The following CCNYL1 variants were observed in gnomAD, a reference collection of about 807,000 sequenced individuals.
The protein encoded by CCNYL1 is cyclin Y like 1.
CCNYL1 carries 16 observed loss-of-function variants against 44.2 expected under a neutral mutation model. That is an observed-to-expected ratio of 0.36 (90% CI 0.25 to 0.55). The LOEUF (loss-of-function observed/expected upper bound fraction) is 0.55, where lower values mean the gene tolerates loss of function less well. Among genes scored for constraint, CCNYL1 ranks in the 20% least tolerant of loss-of-function variants. CCNYL1 has a pLI of 0.85. For synonymous variants in CCNYL1, 159 were observed against 163.2 expected (o/e 0.97, Z 0.20); for missense variants, 348 against 451.8 (o/e 0.77, Z 2.08).
intron 8 of CCNYL1, among the ~76,000 whole-genome samples, chr2:207,747,661 G>A (rs1422105028): frequency 6.6e-6 from 1 of 152,182 alleles, no homozygotes; most frequent in East Asian, 1.9e-4. Flanking sequence ...CGATTCTCCT[G>A]CCTCAGCTTC....
intron 1 of CCNYL1, 28 bp downstream of exon 1, chr2:207,712,144 C>T (rs2091553766): frequency 1.9e-6 from 3 of 1,574,700 alleles, no homozygotes; most frequent in East Asian, 4.8e-5. Context: ...GCCATCCGCC[C>T]TCGGGCTCAC....
At chr2:207,744,228 T>TCGTGTGTG in intron 7 of CCNYL1, among the ~76,000 whole-genome samples, 1 of 150,334 alleles carries the variant, frequency 6.7e-6, no homozygotes, top group South Asian at 2.1e-4. Flanking sequence ...CAGGAACATT[T>TCGTGTGTG]TGTGTGTGTG....
chr2:207,713,728 C>G (rs571851047), intron 1 of CCNYL1, among the ~76,000 whole-genome samples: 6 of 152,182 alleles, frequency 3.9e-5, no homozygotes, highest in Non-Finnish European at 8.8e-5. Flanking sequence ...AATAATTAAG[C>G]TTCATGATGG....
In CCNYL1 at chr2:207,754,760, C is replaced by T. The variant is rs1452751693; in HGVS notation, c.*1062C>T. 6.5e-6 allele frequency: 1 copy of T among 154,324 alleles called. No individual in the cohort carries two copies. The highest frequency in any genetic ancestry group is 1.9e-4 in the East Asian group (1 of 5,168). 9.6% of individuals were successfully genotyped at this position (154,324 alleles called of 1,614,324 possible). On this transcript the variant is annotated 3_prime_UTR_variant, in exon 10 of 10. Transcript: ENST00000295414. ...TCAAGCCATCCTCTAGCCTCAGCCACACAAGTAGCTGGGACTACAAGTGCA... is the reference window on the plus strand; with the variant it reads ...TCAAGCCATCCTCTAGCCTCAGCCATACAAGTAGCTGGGACTACAAGTGCA...
chr2:207,715,995 T>G (rs1459674969), intron 1 of CCNYL1, among the ~76,000 whole-genome samples: 1 of 152,170 alleles, frequency 6.6e-6, no homozygotes, highest in African/African-American at 2.4e-5. Flanking sequence ...TAAGAGATGC[T>G]CCTAAGAACC....
intron 1 of CCNYL1, among the ~76,000 whole-genome samples, chr2:207,719,300 T>C (rs1010159492): frequency 1.7e-4 from 20 of 115,666 alleles, no homozygotes; most frequent in Non-Finnish European, 2.2e-4. Context: ...ATATAGCAAT[T>C]GCTTTTTTTT....
Position 207,728,858 on chromosome 2 carries a change from G to A in CCNYL1, c.330+1982G>A, listed in dbSNP as rs148277183. On this transcript the variant is annotated intron_variant, in intron 3 of 9. Coordinates refer to ENST00000295414, the MANE Select transcript of CCNYL1 (RefSeq NM_001330218.2). ...TGTTGCCAGGCTTGAGTGCAGTGGC[G>A]TGATCTCAGCTCACTGCAATCCCCA... Among the ~76,000 whole-genome samples, 674 of 152,012 alleles carry A rather than the reference G, an allele frequency of 4.4e-3. 2 individuals carry two copies. Among genetic ancestry groups the A allele is most frequent in the African/African-American group, 0.015 (619 of 41,462 alleles).
At chr2:207,727,574 T>C (rs973771921) in intron 3 of CCNYL1, among the ~76,000 whole-genome samples, 1 of 152,226 alleles carries the variant, frequency 6.6e-6, no homozygotes, top group African/African-American at 2.4e-5. Context: ...TTCATTTGGC[T>C]GTTTTCTAAC....
chr2:207,729,819 G>T (rs985692894), intron 3 of CCNYL1, among the ~76,000 whole-genome samples: 8 of 151,970 alleles, frequency 5.3e-5, no homozygotes, highest in African/African-American at 1.9e-4. Context: ...GAGTTCAAGT[G>T]ATTCTTGTGC....
In CCNYL1 at chr2:207,741,245, T is replaced by TC. The variant is rs1029012172; in HGVS notation, c.519+541dup. On this transcript the variant is annotated intron_variant, in intron 6 of 9. Transcript: ENST00000295414. ...ACTCCAGCCTGGGCGACAGTGAGAC[T>TC]CCATCTCAAAAAAAAAAAATTTTTC... is the stretch of plus-strand genomic sequence containing the variant. 3.4e-5 allele frequency among the ~76,000 whole-genome samples: 5 copies of TC among 146,962 alleles called. 1 individual carries two copies. The highest frequency in any genetic ancestry group is 1.3e-4 in the Admixed American group (2 of 15,048).
chr2:207,752,266 G>C (rs1264633188), intron 9 of CCNYL1, among the ~76,000 whole-genome samples: 4 of 152,156 alleles, frequency 2.6e-5, no homozygotes, highest in Non-Finnish European at 5.9e-5. Context: ...TAAGTGGTAG[G>C]CATGGTGGCT....
chr2:207,728,821 G>A (rs1044739081), intron 3 of CCNYL1, among the ~76,000 whole-genome samples: 6 of 150,938 alleles, frequency 4.0e-5, no homozygotes, highest in Admixed American at 2.0e-4. Context: ...TTTTTGAGAC[G>A]GAGTCTTGCT....
intron 1 of CCNYL1, among the ~76,000 whole-genome samples, chr2:207,715,834 G>A (rs1057148768): frequency 2.0e-5 from 3 of 150,912 alleles, no homozygotes; most frequent in African/African-American, 7.3e-5. Flanking sequence ...GTGCCACCAC[G>A]CCCAGCTAAT....
At chr2:207,748,844 G>A (rs546670606) in intron 8 of CCNYL1, among the ~76,000 whole-genome samples, 2 of 152,198 alleles carry the variant, frequency 1.3e-5, no homozygotes, top group Admixed American at 6.5e-5. Flanking sequence ...GCTGGTAGCC[G>A]TTTTAGCAAA....
intron 3 of CCNYL1, among the ~76,000 whole-genome samples, chr2:207,729,527 A>C (rs2105826731): frequency 6.6e-6 from 1 of 152,236 alleles, no homozygotes; most frequent in Non-Finnish European, 1.5e-5. Flanking sequence ...AATTGGAAGC[A>C]GGACTTTTGT....
chr2:207,747,031 G>T lies in CCNYL1; in HGVS notation c.640-16G>T, dbSNP rs747680300. 1.2e-5 allele frequency: 19 copies of T among 1,598,914 alleles called. No homozygotes were observed. The South Asian group carries it at 2.1e-4, about 18-fold the overall frequency. On this transcript the variant is annotated splice_polypyrimidine_tract_variant and intron_variant, in intron 7 of 9. Coordinates refer to ENST00000295414, the MANE Select transcript of CCNYL1 (RefSeq NM_001330218.2). ...TAAACTGAACTAAAATCAAAGACCA[G>T]TGCTCTATTTTACAGGTTTACTTAG...
intron 4 of CCNYL1, among the ~76,000 whole-genome samples, chr2:207,735,144 T>C (rs896185256): frequency 5.9e-5 from 9 of 152,226 alleles, no homozygotes; most frequent in Non-Finnish European, 1.2e-4. Flanking sequence ...ATTTTAGTCT[T>C]AATTTTTAGA....
Position 207,726,837 on chromosome 2 carries a change from C to T in CCNYL1, c.296-5C>T, listed in dbSNP as rs764891228. On this transcript the variant is annotated splice_region_variant and splice_polypyrimidine_tract_variant and intron_variant, in intron 2 of 9. Coordinates refer to ENST00000295414, the MANE Select transcript of CCNYL1 (RefSeq NM_001330218.2). ...AATTGATCAGCTAATTTTTTTTATT[C>T]TTAGTGCGAGAAAAGAGGAAGAGCA... is the stretch of plus-strand genomic sequence containing the variant. The T allele has an allele frequency of 6.4e-7, 1 of 1,564,674 alleles. No individual in the cohort carries two copies. Among genetic ancestry groups the T allele is most frequent in the Non-Finnish European group, 8.6e-7 (1 of 1,160,540 alleles).
At position 207,711,922 on chromosome 2, in the gene CCNYL1, T is replaced by C; in HGVS notation, c.26T>C (p.Val9Ala). Residue 9 changes from valine to alanine, a missense_variant, in exon 1 of 10, where the codon GTG becomes GCG. This residue lies in a region of CCNYL1 where 209 missense variants were observed against 247.7 expected (regional missense o/e 0.84). Transcript: ENST00000295414. ...ATGGGGAACACGCTGACCTGTTGCG[T>C]GTCCCCCAATGCCAGCCCCAAGCTG... MGNTLTCC[V>A]SPNASPKLGR... 2.1e-6 allele frequency: 3 copies of C among 1,396,074 alleles called. No homozygotes were observed. Among genetic ancestry groups the C allele is most frequent in the South Asian group, 1.6e-5 (1 of 63,512 alleles). The allele number at this position is 1,396,074 out of a possible 1,614,324, so 86.5% of individuals were successfully genotyped here.
Sources: gnomAD v4.1 joint callset for allele counts (sites outside exome capture counted in the v4.1 genomes callset) on GRCh38, gnomAD v4.1.1 for gene constraint, gnomAD v4.1.1 regional missense constraint, MANE v1.5 for transcripts, NCBI Gene and HGNC (gene_info 2026-07-23, HGNC 2026-07-21) for gene names.